ATF2: variants seen among roughly 807,000 people sequenced by gnomAD.
ATF2 encodes the protein cyclic AMP-dependent transcription factor ATF-2.
ATF2 carries 24 observed loss-of-function variants against 60.6 expected under a neutral mutation model. That is an observed-to-expected ratio of 0.40 (90% CI 0.29 to 0.56). ATF2 has a LOEUF of 0.56. Ranked by LOEUF, ATF2 falls within the 20% of genes least tolerant of loss-of-function variation. ATF2 has a pLI of 0.54. For missense variants in ATF2, 433 were observed against 607.7 expected, an observed-to-expected ratio of 0.71 and a Z score of 3.02; for synonymous variants, 206 against 215.4, an observed-to-expected ratio of 0.96 and a Z score of 0.38.
intron 4 of ATF2, among the ~76,000 whole-genome samples, chr2:175,128,930 G>C (rs2105743199): frequency 6.6e-6 from 1 of 151,888 alleles, no homozygotes; most frequent in South Asian, 2.1e-4. Context: ...CATGAAAAAA[G>C]CAGCCTGGTA....
chr2:175,118,984 T>C (rs1696768550), intron 5 of ATF2, among the ~76,000 whole-genome samples: 1 of 151,712 alleles, frequency 6.6e-6, no homozygotes, highest in Admixed American at 6.6e-5. Context: ...GGAATATGTG[T>C]GAGTCACATG....
chr2:175,074,904 A>G, intron 13 of ATF2, 69 bp from the exon 14 acceptor site: 1 of 1,586,442 alleles, frequency 6.3e-7, no homozygotes, highest in South Asian at 1.1e-5. Flanking sequence ...TGCTGAGGCA[A>G]TACACAGAGT....
At chr2:175,162,093 C>T (rs1700061818) in intron 1 of ATF2, among the ~76,000 whole-genome samples, 2 of 152,130 alleles carry the variant, frequency 1.3e-5, no homozygotes, top group Admixed American at 1.3e-4. Flanking sequence ...CATTAAAATA[C>T]TCAGTGTACA....
intron 10 of ATF2, among the ~76,000 whole-genome samples, chr2:175,103,677 TAAAAAAAAA>T (rs75197426): frequency 1.0e-3 from 136 of 129,904 alleles, no homozygotes; most frequent in African/African-American, 3.5e-3. Flanking sequence ...TCACACATCT[TAAAAAAAAA>T]AAAAAAAAAG....
At chr2:175,139,466 G>A (rs920692330) in intron 2 of ATF2, among the ~76,000 whole-genome samples, 3 of 152,028 alleles carry the variant, frequency 2.0e-5, no homozygotes, top group Admixed American at 6.6e-5. Flanking sequence ...GAGGTCAGGA[G>A]TTCAAGACCA....
At chr2:175,094,803 C>A (rs564196074) in intron 11 of ATF2, among the ~76,000 whole-genome samples, 1 of 151,932 alleles carries the variant, frequency 6.6e-6, no homozygotes, top group South Asian at 2.1e-4. Context: ...TAGCCAAGTG[C>A]GGTGGCATGT....
chr2:175,086,214 G>A (rs1014515100), intron 12 of ATF2, among the ~76,000 whole-genome samples: 2 of 152,026 alleles, frequency 1.3e-5, no homozygotes, highest in Non-Finnish European at 2.9e-5. Flanking sequence ...TGGATGACAG[G>A]TTACAAATTA....
chr2:175,136,280 CA>C, intron 3 of ATF2, 131 bp downstream of exon 3: 1 of 838,948 alleles, frequency 1.2e-6, no homozygotes, highest in Non-Finnish European at 2.0e-6. Context: ...AGCTAAACTA[CA>C]TACTAAGTAA....
intron 1 of ATF2, among the ~76,000 whole-genome samples, chr2:175,154,502 C>G (rs1218443109): frequency 5.9e-5 from 9 of 151,970 alleles, no homozygotes; most frequent in African/African-American, 2.2e-4. Context: ...TAAAAGTACA[C>G]TCCAAAATAA....
rs1693056852 is a variant in ATF2 at position 175,073,209 on chromosome 2, T to C, written c.*1400A>G. On this transcript the variant is annotated 3_prime_UTR_variant, in exon 14 of 14. Transcript: ENST00000264110. ...TTATTCTATTTTAAAATATGTACTG[T>C]ATTTTGAACATAACTGCAGAATAAA... 1 of 152,150 alleles carries C rather than the reference T, an allele frequency of 6.6e-6. No individual in the cohort carries two copies. Among genetic ancestry groups the C allele is most frequent in the Non-Finnish European group, 1.5e-5 (1 of 68,018 alleles). 9.4% of individuals were successfully genotyped at this position (152,150 alleles called of 1,614,324 possible).
At chr2:175,092,567 T>C (rs1694625716) in intron 12 of ATF2, 1 of 450,752 alleles carries the variant, frequency 2.2e-6, no homozygotes, top group South Asian at 1.7e-5. Flanking sequence ...ATTAGAGTCC[T>C]TCAGTTTCCA....
At chr2:175,146,945 T>C (rs1304928114) in intron 2 of ATF2, among the ~76,000 whole-genome samples, 1 of 152,156 alleles carries the variant, frequency 6.6e-6, no homozygotes, top group Non-Finnish European at 1.5e-5. Flanking sequence ...GCAGTAGTCA[T>C]GAAAAAAACA....
chr2:175,142,585 T>C (rs761145406), intron 2 of ATF2, among the ~76,000 whole-genome samples: 77 of 152,202 alleles, frequency 5.1e-4, no homozygotes, highest in South Asian at 4.1e-4. Flanking sequence ...TAAATTCTAC[T>C]TTCAATTTTG....
chr2:175,108,268 T>A (rs1288746536), intron 10 of ATF2, among the ~76,000 whole-genome samples: 1 of 151,218 alleles, frequency 6.6e-6, no homozygotes, highest in African/African-American at 2.4e-5. Context: ...AGCCGCCCCG[T>A]CTGGGAAGCC....
Position 175,128,317 on chromosome 2 carries a change from A to G in ATF2, c.102+1821T>C, listed in dbSNP as rs551871137. Among the ~76,000 whole-genome samples the G allele has an allele frequency of 1.4e-4, 21 of 152,254 alleles. No individual in the cohort carries two copies. The East Asian group carries it at 2.3e-3, about 17-fold the overall frequency. On this transcript the variant is annotated intron_variant, in intron 4 of 13. Transcript: ENST00000264110. ...GGAGTTCAAGACCAGCCTGACCAAC[A>G]TGAAGAAACCCCATCTCTACTAAAA...
At chr2:175,085,934 G>C (rs1346716895) in intron 12 of ATF2, among the ~76,000 whole-genome samples, 1 of 152,116 alleles carries the variant, frequency 6.6e-6, no homozygotes, top group African/African-American at 2.4e-5. Context: ...GTTACTCTTT[G>C]TTTTAAAAAC....
chr2:175,130,137 C>T lies in ATF2; in HGVS notation c.102+1G>A. 6.3e-7 allele frequency: 1 copy of T among 1,576,482 alleles called. No individual in the cohort carries two copies. The highest frequency in any genetic ancestry group is 8.6e-7 in the Non-Finnish European group (1 of 1,160,290). ...ATAATTTAAAGTAATTTATATATTACCTGGCCACATCCAGGCGCAGTACAT... is the reference window on the plus strand; with the variant it reads ...ATAATTTAAAGTAATTTATATATTATCTGGCCACATCCAGGCGCAGTACAT... On this transcript the variant is annotated splice_donor_variant, in intron 4 of 13. Transcript: ENST00000264110. LOFTEE classifies it high-confidence loss of function.
chr2:175,099,771 C>CTT (rs1365394967), intron 10 of ATF2, among the ~76,000 whole-genome samples: 1 of 152,216 alleles, frequency 6.6e-6, no homozygotes, highest in Admixed American at 6.5e-5. Context: ...AGCTGTTAAG[C>CTT]TAGTTCAAAT....
chr2:175,074,502 A>G lies in ATF2; in HGVS notation c.*107T>C. 1.4e-6 allele frequency: 2 copies of G among 1,389,384 alleles called. No individual in the cohort carries two copies. Among genetic ancestry groups the G allele is most frequent in the Non-Finnish European group, 1.9e-6 (2 of 1,046,322 alleles). The allele number at this position is 1,389,384 out of a possible 1,614,324, so 86.1% of individuals were successfully genotyped here. On this transcript the variant is annotated 3_prime_UTR_variant, in exon 14 of 14. Coordinates refer to ENST00000264110, the MANE Select transcript of ATF2 (RefSeq NM_001880.4). Reference sequence around the variant, plus strand: ...GCCAAATTTAATTTCAAGTAAAAAAAAAAAATTTACAACCACAGATTTCGC... The same window carrying G: ...GCCAAATTTAATTTCAAGTAAAAAAGAAAAATTTACAACCACAGATTTCGC...
Sources: allele counts gnomAD v4.1 joint callset (sites outside exome capture counted in the v4.1 genomes callset), GRCh38; gene constraint gnomAD v4.1.1; transcripts MANE v1.5; gene names NCBI Gene and HGNC (gene_info 2026-07-23, HGNC 2026-07-21).